The following L3MBTL4 variants were observed in gnomAD, a reference collection of about 807,000 sequenced individuals.
L3MBTL4 encodes the protein L3MBTL histone methyl-lysine binding protein 4, also known as lethal(3)malignant brain tumor-like protein 4.
L3MBTL4 carries 70 observed loss-of-function variants against 84.5 expected under a neutral mutation model. That is an observed-to-expected ratio of 0.83 (90% CI 0.68 to 1.01). The LOEUF (loss-of-function observed/expected upper bound fraction) is 1.01. Among genes scored for constraint, L3MBTL4 ranks in the 50% least tolerant of loss-of-function variants. The pLI is 0.00. For missense variants in L3MBTL4, 715 were observed against 754.8 expected (o/e 0.95, Z 0.62); for synonymous variants, 274 against 259.8 (o/e 1.05, Z -0.52).
rs138742185 is a variant in L3MBTL4 at position 6,164,946 on chromosome 18, G to T, written c.1096+6882C>A. Reference sequence around the variant, plus strand: ...TAAAAACCTTGAAAAAAGATTAGACGAATGGCTAACTAGAATAATCAACGT... The same window carrying T: ...TAAAAACCTTGAAAAAAGATTAGACTAATGGCTAACTAGAATAATCAACGT... On this transcript the variant is annotated intron_variant, in intron 13 of 18. Transcript: ENST00000317931. Among the ~76,000 whole-genome samples, 237 of 152,256 alleles carry T rather than the reference G, an allele frequency of 1.6e-3. 1 individual carries two copies. Among genetic ancestry groups the T allele is most frequent in the Middle Eastern group, 0.01 (3 of 294 alleles).
chr18:6,200,315 G>T lies in L3MBTL4; in HGVS notation c.981+12834C>A, dbSNP rs956818748. ...CTGATAAGCACACACTAGAGTCATT[G>T]TGGGCACACGCTGTAGGAGGAACTC... On this transcript the variant is annotated intron_variant, in intron 12 of 18. Transcript: ENST00000317931. Among the ~76,000 whole-genome samples, 4 of 152,322 alleles carry T rather than the reference G, an allele frequency of 2.6e-5. No individual in the cohort carries two copies. In the East Asian group the frequency reaches 7.7e-4, roughly 29 times the overall value.
At chr18:6,394,012 C>A (rs372051570) in intron 1 of L3MBTL4, among the ~76,000 whole-genome samples, 1 of 151,606 alleles carries the variant, frequency 6.6e-6, no homozygotes, top group Non-Finnish European at 1.5e-5. Flanking sequence ...CAGGTCCATT[C>A]GAGCTGCTCC....
chr18:6,072,027 T>C (rs183456604), intron 16 of L3MBTL4, among the ~76,000 whole-genome samples: 1 of 152,266 alleles, frequency 6.6e-6, no homozygotes, highest in East Asian at 1.9e-4. Flanking sequence ...ATAATACTGC[T>C]AATATCAGAC....
chr18:6,300,631 T>C (rs1029025916), intron 4 of L3MBTL4, among the ~76,000 whole-genome samples: 1 of 151,836 alleles, frequency 6.6e-6, no homozygotes, highest in Non-Finnish European at 1.5e-5. Context: ...GGACTGAATA[T>C]TTTTACATTG....
chr18:6,238,206 A>G (rs2146081656), intron 9 of L3MBTL4, among the ~76,000 whole-genome samples, 166 bp from the exon 10 acceptor site: 1 of 152,348 alleles, frequency 6.6e-6, no homozygotes, highest in South Asian at 2.1e-4. Context: ...GCTGTTACCA[A>G]GCTTCTCTTT....
At chr18:6,079,764 G>C (rs1266808974) in intron 16 of L3MBTL4, among the ~76,000 whole-genome samples, 1 of 152,102 alleles carries the variant, frequency 6.6e-6, no homozygotes, top group East Asian at 1.9e-4. Flanking sequence ...CAGAATGAAG[G>C]CTTGGTAAGA....
At chr18:6,148,423 A>G (rs2144786994) in intron 13 of L3MBTL4, among the ~76,000 whole-genome samples, 1 of 152,212 alleles carries the variant, frequency 6.6e-6, no homozygotes, top group South Asian at 2.1e-4. Context: ...TAGAAGCATA[A>G]GATTTTGTTT....
At chr18:6,400,845 G>T (rs1041764967) in intron 1 of L3MBTL4, among the ~76,000 whole-genome samples, 2 of 152,182 alleles carry the variant, frequency 1.3e-5, no homozygotes, top group Non-Finnish European at 2.9e-5. Flanking sequence ...TTCAGAGAGA[G>T]ACAAGCCACC....
At chr18:6,289,135 T>C (rs920727636) in intron 4 of L3MBTL4, among the ~76,000 whole-genome samples, 3 of 152,074 alleles carry the variant, frequency 2.0e-5, no homozygotes, top group African/African-American at 7.2e-5. Flanking sequence ...GGACTGAGAC[T>C]GAGGATTGGG....
intron 16 of L3MBTL4, among the ~76,000 whole-genome samples, chr18:6,057,156 G>A (rs566021132): frequency 1.3e-5 from 2 of 151,852 alleles, no homozygotes; most frequent in African/African-American, 2.4e-5. Context: ...TCAGCCTCTC[G>A]AGTATCTGGG....
At chr18:6,153,787 T>C (rs1281871954) in intron 13 of L3MBTL4, among the ~76,000 whole-genome samples, 1 of 152,188 alleles carries the variant, frequency 6.6e-6, no homozygotes, top group African/African-American at 2.4e-5. Context: ...TTCACTGTGC[T>C]TTCACTGTTC....
intron 16 of L3MBTL4, among the ~76,000 whole-genome samples, chr18:6,051,363 A>AC (rs1338068905): frequency 1.2e-4 from 18 of 151,958 alleles, no homozygotes; most frequent in Admixed American, 9.8e-4. Context: ...ACATGGTGAA[A>AC]CCCCGTCTCT....
At chr18:6,377,653 C>T (rs540691201) in intron 1 of L3MBTL4, among the ~76,000 whole-genome samples, 2 of 152,324 alleles carry the variant, frequency 1.3e-5, no homozygotes, top group East Asian at 3.9e-4. Flanking sequence ...GACATGAACA[C>T]ATCCTTTTTT....
chr18:6,409,498 G>A (rs1244450088), intron 1 of L3MBTL4, among the ~76,000 whole-genome samples: 3 of 152,030 alleles, frequency 2.0e-5, no homozygotes, highest in African/African-American at 4.8e-5. Context: ...TGGTCCATTC[G>A]GCACATCCAA....
At chr18:6,052,757 T>C (rs777171081) in intron 16 of L3MBTL4, among the ~76,000 whole-genome samples, 7 of 152,264 alleles carry the variant, frequency 4.6e-5, no homozygotes, top group Non-Finnish European at 8.8e-5. Context: ...GAGAATTTTC[T>C]GTTTCAAGAC....
chr18:6,001,726 T>C (rs1198384379), intron 16 of L3MBTL4, among the ~76,000 whole-genome samples: 1 of 151,942 alleles, frequency 6.6e-6, no homozygotes, highest in African/African-American at 2.4e-5. Context: ...GATAAGACAA[T>C]TGAAATTGAG....
At chr18:6,006,436 A>T (rs2054492076) in intron 16 of L3MBTL4, among the ~76,000 whole-genome samples, 1 of 152,252 alleles carries the variant, frequency 6.6e-6, no homozygotes, top group South Asian at 2.1e-4. Context: ...ACAGAAATTT[A>T]ATAGTATAAA....
At chr18:6,037,082 T>C (rs556559067) in intron 16 of L3MBTL4, among the ~76,000 whole-genome samples, 3 of 152,310 alleles carry the variant, frequency 2.0e-5, no homozygotes, top group Admixed American at 1.3e-4. Flanking sequence ...ACAACAATGC[T>C]CACCACCTCT....
intron 17 of L3MBTL4, among the ~76,000 whole-genome samples, chr18:5,963,255 G>C (rs1380905489): frequency 2.0e-5 from 3 of 152,214 alleles, no homozygotes; most frequent in Non-Finnish European, 4.4e-5. Flanking sequence ...CAGAAGTGTT[G>C]CAAGTTGCTT....
Sources: allele counts gnomAD v4.1 joint callset (sites outside exome capture counted in the v4.1 genomes callset), GRCh38; gene constraint gnomAD v4.1.1; transcripts MANE v1.5; gene names NCBI Gene and HGNC (gene_info 2026-07-23, HGNC 2026-07-21).